UHRF1: variants seen among roughly 807,000 people sequenced by gnomAD.
UHRF1 encodes the protein E3 ubiquitin-protein ligase UHRF1.
A neutral mutation model predicts 96.5 loss-of-function variants in UHRF1; 9 were observed. The ratio of observed to expected loss-of-function variants is 0.09; its 90% CI spans 0.06 to 0.16. The LOEUF is 0.16. Among genes scored for constraint, UHRF1 ranks in the 10% least tolerant of loss-of-function variants. The probability of loss-of-function intolerance (pLI) is 1.00; values close to 1 mark genes in which losing one functional copy is unlikely to be tolerated. For synonymous variants in UHRF1, 455 were observed against 469.9 expected (o/e 0.97, Z 0.41); for missense variants, 626 against 1,131.1 (o/e 0.55, Z 6.40).
upstream of UHRF1, among the ~76,000 whole-genome samples, chr19:4,905,338 C>T (rs1217890547): frequency 6.6e-6 from 1 of 151,002 alleles, no homozygotes; most frequent in Non-Finnish European, 1.5e-5. Flanking sequence ...CCAGGATGGT[C>T]TCCATCTCCT....
At chr19:4,959,726 A>G (rs1490931881) in intron 16 of UHRF1, among the ~76,000 whole-genome samples, 3 of 152,008 alleles carry the variant, frequency 2.0e-5, no homozygotes, top group Non-Finnish European at 4.4e-5. Context: ...TTTTCGAGAC[A>G]AGGTCTTGCT....
chr19:4,916,413 G>A (rs1042118539), intron 2 of UHRF1, among the ~76,000 whole-genome samples: 17 of 152,122 alleles, frequency 1.1e-4, no homozygotes, highest in African/African-American at 2.7e-4. Flanking sequence ...CCCTGGTGAC[G>A]CAGCCTCCAA....
At chr19:4,928,788 C>T (rs1317172274) in intron 2 of UHRF1, among the ~76,000 whole-genome samples, 1 of 152,236 alleles carries the variant, frequency 6.6e-6, no homozygotes, top group African/African-American at 2.4e-5. Flanking sequence ...CCAGTGGCGA[C>T]AACCACAAAT....
At chr19:4,958,763 G>C (rs1233240248) in intron 16 of UHRF1, among the ~76,000 whole-genome samples, 1 of 152,058 alleles carries the variant, frequency 6.6e-6, no homozygotes, top group Non-Finnish European at 1.5e-5. Context: ...CTTGAGGTCA[G>C]GAGTTTGAGA....
intron 2 of UHRF1, 47 bp downstream of exon 2, chr19:4,911,085 G>C: frequency 2.1e-6 from 3 of 1,460,806 alleles, no homozygotes; most frequent in East Asian, 5.0e-5. Context: ...TCCAGGCCTC[G>C]CGCCTCTGCA....
chr19:4,936,080 G>A (rs2033206788), intron 5 of UHRF1, among the ~76,000 whole-genome samples: 1 of 152,180 alleles, frequency 6.6e-6, no homozygotes, highest in African/African-American at 2.4e-5. Flanking sequence ...ATTCATGCTT[G>A]TGTCCCGAGC....
intron 11 of UHRF1, among the ~76,000 whole-genome samples, chr19:4,948,331 A>C (rs769773273): frequency 6.6e-6 from 1 of 152,186 alleles, no homozygotes; most frequent in Non-Finnish European, 1.5e-5. Context: ...CTTTTCCAGC[A>C]TAAAAACCAT....
chr19:4,922,538 G>T (rs933224186), intron 2 of UHRF1, among the ~76,000 whole-genome samples: 5 of 152,106 alleles, frequency 3.3e-5, no homozygotes, highest in Non-Finnish European at 5.9e-5. Context: ...CAAGTGCTGG[G>T]ATTACAGGCG....
intron 16 of UHRF1, 65 bp from the exon 17 acceptor site, chr19:4,960,592 G>A: frequency 6.3e-7 from 1 of 1,576,806 alleles, no homozygotes; most frequent in Non-Finnish European, 8.6e-7. Context: ...AGTCCTGGGA[G>A]AGGTGGCCAG....
intron 11 of UHRF1, among the ~76,000 whole-genome samples, chr19:4,949,565 A>G (rs2033663196): frequency 6.6e-6 from 1 of 152,010 alleles, no homozygotes; most frequent in African/African-American, 2.4e-5. Context: ...GGTGTGTCAC[A>G]TGCCTGTCGT....
chr19:4,956,636 C>A, intron 15 of UHRF1, 73 bp from the exon 16 acceptor site: 1 of 920,410 alleles, frequency 1.1e-6, no homozygotes, highest in South Asian at 1.4e-5. Flanking sequence ...GGTACATGCT[C>A]AGCAGGAAGC....
intron 15 of UHRF1, among the ~76,000 whole-genome samples, chr19:4,955,803 C>G (rs1221387788): frequency 1.3e-5 from 2 of 152,076 alleles, no homozygotes; most frequent in African/African-American, 2.4e-5. Context: ...CACCATGCCT[C>G]TAAATTTTTT....
chr19:4,913,952 C>T (rs2032390736), intron 2 of UHRF1, among the ~76,000 whole-genome samples: 1 of 151,702 alleles, frequency 6.6e-6, no homozygotes, highest in Non-Finnish European at 1.5e-5. Context: ...GCTGGGATTA[C>T]AGGTGTGCGC....
intron 2 of UHRF1, among the ~76,000 whole-genome samples, chr19:4,917,851 T>G (rs923403257): frequency 6.6e-6 from 1 of 151,834 alleles, no homozygotes; most frequent in African/African-American, 2.4e-5. Flanking sequence ...GAAAAAACTT[T>G]TTTGCAGAGA....
At position 4,930,929 on chromosome 19, in the gene UHRF1, C is replaced by T. The variant is rs1599263883; in HGVS notation, c.569+53C>T. The T allele has an allele frequency of 1.5e-5, 24 of 1,603,236 alleles. 1 individual carries two copies. In the East Asian group the frequency reaches 5.4e-4, roughly 36 times the overall value. ...GGTATTCAGGCTCTGTGACGCGCAT[C>T]CTTGGCTGCGGGTGTTCAGGCCAGA... On this transcript the variant is annotated intron_variant, in intron 4 of 16. Transcript: ENST00000650932. This position sits in a 1 kb window ranked among gnomAD's most constrained non-coding sequence, Gnocchi z 4.4.
At chr19:4,949,473 GAC>G (rs10580944) in intron 11 of UHRF1, among the ~76,000 whole-genome samples, 6,038 of 147,694 alleles carry the variant, frequency 0.041, 388 homozygotes, top group African/African-American at 0.13. Context: ...TTGGCACATA[GAC>G]ACACACACAC....
rs533762635 is a variant in UHRF1, at chr19:4,942,441, C to T, written c.1073+510C>T. Among the ~76,000 whole-genome samples, 19 of 152,020 alleles carry T rather than the reference C, an allele frequency of 1.2e-4. 1 individual carries two copies. The highest frequency in any genetic ancestry group is 3.3e-4 in the Admixed American group (5 of 15,246). On this transcript the variant is annotated intron_variant, in intron 7 of 16. Transcript: ENST00000650932. ...CCCTGACCTCGTGATCCGTCCGTTTCGGCCTCCCAAAGTGCTGGGATTATA... is the reference window on the plus strand; with the variant it reads ...CCCTGACCTCGTGATCCGTCCGTTTTGGCCTCCCAAAGTGCTGGGATTATA...
intron 2 of UHRF1, among the ~76,000 whole-genome samples, chr19:4,927,281 T>C (rs923148779): frequency 3.5e-5 from 5 of 143,742 alleles, no homozygotes; most frequent in African/African-American, 1.3e-4. Context: ...CTCAGGAGGC[T>C]GAGGCACAAG....
chr19:4,907,162 T>G (rs1054719918), upstream of UHRF1, among the ~76,000 whole-genome samples: 1 of 152,248 alleles, frequency 6.6e-6, no homozygotes. Flanking sequence ...CAGGTGGGAG[T>G]ACACTGGCTC....
Sources: allele counts gnomAD v4.1 joint callset (sites outside exome capture counted in the v4.1 genomes callset), GRCh38; gene constraint gnomAD v4.1.1; non-coding constraint Gnocchi (gnomAD v3.1); transcripts MANE v1.5; gene names NCBI Gene and HGNC (gene_info 2026-07-23, HGNC 2026-07-21).